The following ZRANB3 variants were observed in gnomAD, a reference collection of about 807,000 sequenced individuals.
The protein encoded by ZRANB3 is zinc finger RANBP2-type containing 3.
ZRANB3 carries 125 observed loss-of-function variants against 133.8 expected under a neutral mutation model. The ratio of observed to expected loss-of-function variants is 0.93; its 90% confidence interval spans 0.81 to 1.08. The LOEUF (loss-of-function observed/expected upper bound fraction) is 1.08, where lower values mean the gene tolerates loss of function less well. Ranked by LOEUF, ZRANB3 falls within the 50% of genes least tolerant of loss-of-function variation. The pLI, the probability that ZRANB3 is intolerant of heterozygous loss-of-function variation, is 0.00. For synonymous variants in ZRANB3, 387 were observed against 432.7 expected, an observed-to-expected ratio of 0.89 and a Z score of 1.31; for missense variants, 1,229 against 1,275.5, an observed-to-expected ratio of 0.96 and a Z score of 0.56.
chr2:135,467,926 TGTGAA>T (rs1435705411), intron 2 of ZRANB3, among the ~76,000 whole-genome samples: 11 of 152,372 alleles, frequency 7.2e-5, no homozygotes, highest in African/African-American at 1.2e-4. Context: ...TTTTATGGCT[TGTGAA>T]GTGGAGATAC....
At chr2:135,336,420 A>G (rs1056789378) in intron 6 of ZRANB3, among the ~76,000 whole-genome samples, 1 of 152,244 alleles carries the variant, frequency 6.6e-6, no homozygotes, top group Non-Finnish European at 1.5e-5. Context: ...TGTGAAAATG[A>G]CACCTTCACA....
At chr2:135,357,495 C>T (rs112720489) in intron 3 of ZRANB3, among the ~76,000 whole-genome samples, 1 of 152,144 alleles carries the variant, frequency 6.6e-6, no homozygotes, top group Admixed American at 6.5e-5. Flanking sequence ...GGGGTTTCGC[C>T]ATGTTGGCCA....
rs953528140 is a variant in ZRANB3 at position 135,426,374 on chromosome 2, C to CACA, written c.162-35557_162-35555dup. Reference sequence around the variant, plus strand: ...TCCTAATACCAAAACCTGGCAGAGCCACAACAACAACAACAACAACAAAAT... The same window carrying CACA: ...TCCTAATACCAAAACCTGGCAGAGCCACAACAACAACAACAACAACAACAAAAT... On this transcript the variant is annotated intron_variant, in intron 2 of 20. Transcript: ENST00000264159. 3.2e-4 allele frequency among the ~76,000 whole-genome samples: 49 copies of CACA among 151,966 alleles called. No homozygotes were observed. In the East Asian group the frequency reaches 7.2e-3, roughly 22 times the overall value.
At chr2:135,322,602 T>G (rs1011807659) in intron 6 of ZRANB3, among the ~76,000 whole-genome samples, 1 of 151,922 alleles carries the variant, frequency 6.6e-6, no homozygotes, top group East Asian at 1.9e-4. Flanking sequence ...CCTGTAGTCC[T>G]CCCTACTTGG....
rs1302467535 is a variant in ZRANB3, at chr2:135,324,926, TG to T, written c.678-9397del. Among the ~76,000 whole-genome samples, 144 of 152,354 alleles carry T rather than the reference TG, an allele frequency of 9.5e-4. 1 individual carries two copies. Among genetic ancestry groups the T allele is most frequent in the African/African-American group, 3.2e-3 (133 of 41,576 alleles). On this transcript the variant is annotated intron_variant, in intron 6 of 20. Transcript: ENST00000264159. Reference sequence around the variant, plus strand: ...TCCTTTGCCCACTTGTTGATGGGGTTGTTTTTTTCTTGTAAATTTGTTTAAA... The same window carrying T: ...TCCTTTGCCCACTTGTTGATGGGGTTTTTTTTTCTTGTAAATTTGTTTAAA...
chr2:135,529,526 G>A (rs951826066), intron 1 of ZRANB3, among the ~76,000 whole-genome samples: 4 of 152,052 alleles, frequency 2.6e-5, no homozygotes, highest in African/African-American at 9.7e-5. Flanking sequence ...TTTTGAGACG[G>A]AGTCTCGCTC....
At chr2:135,366,829 TAACACAGTG>T (rs1685960682) in intron 3 of ZRANB3, among the ~76,000 whole-genome samples, 1 of 151,880 alleles carries the variant, frequency 6.6e-6, no homozygotes, top group African/African-American at 2.4e-5. Context: ...CCATCCTGTC[TAACACAGTG>T]AAACCTCGTC....
At chr2:135,309,632 C>T (rs1237674189) in intron 8 of ZRANB3, among the ~76,000 whole-genome samples, 4 of 152,008 alleles carry the variant, frequency 2.6e-5, no homozygotes, top group Non-Finnish European at 5.9e-5. Context: ...ATGCCATTTA[C>T]AGGAGCATAA....
At chr2:135,437,770 T>C (rs553886231) in intron 2 of ZRANB3, among the ~76,000 whole-genome samples, 5 of 152,280 alleles carry the variant, frequency 3.3e-5, no homozygotes, top group South Asian at 4.1e-4. Flanking sequence ...GAATCTAATA[T>C]AGTTAATTTG....
chr2:135,343,828 T>A (rs1684804277), intron 6 of ZRANB3, among the ~76,000 whole-genome samples: 1 of 150,166 alleles, frequency 6.7e-6, no homozygotes, highest in Non-Finnish European at 1.5e-5. Flanking sequence ...TGTCACAAGC[T>A]ACTATCAGTT....
chr2:135,414,536 A>T (rs533520241), intron 2 of ZRANB3, among the ~76,000 whole-genome samples: 2 of 152,264 alleles, frequency 1.3e-5, no homozygotes, highest in African/African-American at 4.8e-5. Flanking sequence ...TCAACACTAG[A>T]CAGCTCAATG....
At chr2:135,241,472 T>C (rs1268138532) in intron 12 of ZRANB3, among the ~76,000 whole-genome samples, 2 of 152,070 alleles carry the variant, frequency 1.3e-5, no homozygotes, top group Non-Finnish European at 2.9e-5. Context: ...TCAGGATCAA[T>C]TTGTGTATTA....
intron 13 of ZRANB3, among the ~76,000 whole-genome samples, chr2:135,229,614 G>T (rs1047026646): frequency 6.6e-6 from 1 of 151,918 alleles, no homozygotes; most frequent in African/African-American, 2.4e-5. Context: ...TGATCCGCCC[G>T]CCTCGGCCTC....
At chr2:135,516,586 A>C (rs1165864406) in intron 1 of ZRANB3, among the ~76,000 whole-genome samples, 1 of 152,180 alleles carries the variant, frequency 6.6e-6, no homozygotes, top group East Asian at 1.9e-4. Context: ...AGAATGACGA[A>C]TATTGGACCC....
chr2:135,365,874 T>C (rs768643102), intron 3 of ZRANB3, among the ~76,000 whole-genome samples: 1 of 152,218 alleles, frequency 6.6e-6, no homozygotes, highest in South Asian at 2.1e-4. Flanking sequence ...TAAAGAACCC[T>C]GTATTGAAAT....
chr2:135,430,824 A>T (rs530465188), intron 2 of ZRANB3, among the ~76,000 whole-genome samples: 2 of 152,322 alleles, frequency 1.3e-5, no homozygotes, highest in East Asian at 3.9e-4. Flanking sequence ...AACGACAGTC[A>T]TTTCAACAAA....
intron 2 of ZRANB3, among the ~76,000 whole-genome samples, chr2:135,450,507 A>G (rs1690221036): frequency 6.6e-6 from 1 of 152,132 alleles, no homozygotes; most frequent in African/African-American, 2.4e-5. Context: ...CCCGGCATTT[A>G]AACTGAAGCA....
At chr2:135,476,497 T>C (rs1307006383) in intron 2 of ZRANB3, among the ~76,000 whole-genome samples, 2 of 151,840 alleles carry the variant, frequency 1.3e-5, no homozygotes, top group Non-Finnish European at 2.9e-5. Context: ...ACACAAGGGG[T>C]TCTTATACTC....
chr2:135,391,304 C>CATAT (rs1017804218), intron 2 of ZRANB3, among the ~76,000 whole-genome samples: 2 of 152,196 alleles, frequency 1.3e-5, no homozygotes, highest in African/African-American at 4.8e-5. Flanking sequence ...CTGCCAAAGG[C>CATAT]ATATGGCTAC....
Sources: gnomAD v4.1 joint callset for allele counts (sites outside exome capture counted in the v4.1 genomes callset) on GRCh38, gnomAD v4.1.1 for gene constraint, MANE v1.5 for transcripts, NCBI Gene and HGNC (gene_info 2026-07-23, HGNC 2026-07-21) for gene names.